Variants in KIRREL3 observed in about 807,000 individuals in gnomAD.
KIRREL3 encodes the protein kirre like nephrin family adhesion molecule 3.
In KIRREL3, 36 loss-of-function variants were observed where a neutral mutation model predicts 89.7. The ratio of observed to expected loss-of-function variants is 0.40; its 90% confidence interval spans 0.31 to 0.53. The LOEUF is 0.53. Ranked by LOEUF, KIRREL3 falls within the 20% of genes least tolerant of loss-of-function variation. KIRREL3 has a pLI of 0.49. For missense variants in KIRREL3, 864 were observed against 1,056.6 expected (o/e 0.82, Z 2.53); for synonymous variants, 445 against 441.4 (o/e 1.01, Z -0.10).
intron 1 of KIRREL3, among the ~76,000 whole-genome samples, chr11:126,838,376 T>G (rs1454684072): frequency 1.3e-5 from 2 of 152,240 alleles, no homozygotes; most frequent in African/African-American, 4.8e-5. Context: ...AGGGCCAGAC[T>G]GCACCTTCTA....
rs1028662708 is a variant in KIRREL3 at position 126,498,037 on chromosome 11, T to G, written c.433+23278A>C. The stretch of plus-strand genomic sequence containing the variant: ...TCAGTAAAAAGTGTCTTCTCCATTT[T>G]ATGGACAAGGAAGCAGAGGCTCAGA... On this transcript the variant is annotated intron_variant, in intron 4 of 16. Coordinates refer to ENST00000525144, the MANE Select transcript of KIRREL3 (RefSeq NM_032531.4). This position sits in a 1 kb window ranked among gnomAD's most constrained non-coding sequence, Gnocchi z 4.3. Among the ~76,000 whole-genome samples, 1 of 152,156 alleles carries G rather than the reference T, an allele frequency of 6.6e-6. No individual in the cohort carries two copies.
Position 126,918,100 on chromosome 11 carries a change from C to A in KIRREL3, c.55+82355G>T, listed in dbSNP as rs1592352162. Among the ~76,000 whole-genome samples the A allele has an allele frequency of 6.6e-6, 1 of 152,216 alleles. No homozygotes were observed. The highest frequency in any genetic ancestry group is 1.9e-4 in the East Asian group (1 of 5,182). On this transcript the variant is annotated intron_variant, in intron 1 of 16. Coordinates refer to ENST00000525144, the MANE Select transcript of KIRREL3 (RefSeq NM_032531.4). The surrounding 1 kb of genome is among the most constrained non-coding windows in gnomAD (Gnocchi z 6.5). ...GGCCCATAATGATATGCATGCCTCT[C>A]AGAGGGAAGACAGAGACTCACGGTA...
At chr11:126,854,126 T>TTGTGTGTGTGTGTG (rs375873911) in intron 1 of KIRREL3, among the ~76,000 whole-genome samples, 54 of 144,016 alleles carry the variant, frequency 3.7e-4, no homozygotes, top group African/African-American at 1.0e-3. Context: ...AATAAGTTTC[T>TTGTGTGTGTGTGTG]TGTGTGTGTG....
rs78467542 is a variant in KIRREL3 at position 126,495,923 on chromosome 11, C to T, written c.434-22457G>A. On this transcript the variant is annotated intron_variant, in intron 4 of 16. Coordinates refer to ENST00000525144, the MANE Select transcript of KIRREL3 (RefSeq NM_032531.4). This position sits in a 1 kb window ranked among gnomAD's most constrained non-coding sequence, Gnocchi z 6.5. The stretch of plus-strand genomic sequence containing the variant: ...TCTCTCGTATCCTAATTGCTGTGGG[C>T]TCCACCTTTGAAACATGCACAGATC... Among the ~76,000 whole-genome samples, 1,685 of 152,328 alleles carry T rather than the reference C, an allele frequency of 0.011. 29 individuals carry two copies. Among genetic ancestry groups the T allele is most frequent in the African/African-American group, 0.037 (1,557 of 41,570 alleles).
Position 126,609,835 on chromosome 11 carries a change from G to GT in KIRREL3, c.56-46924dup, listed in dbSNP as rs1157004579. Among the ~76,000 whole-genome samples, 3 of 152,248 alleles carry GT rather than the reference G, an allele frequency of 2.0e-5. No individual in the cohort carries two copies. The highest frequency in any genetic ancestry group is 2.1e-4 in the South Asian group (1 of 4,816). On this transcript the variant is annotated intron_variant, in intron 1 of 16. Transcript: ENST00000525144. The surrounding 1 kb of genome is among the most constrained non-coding windows in gnomAD (Gnocchi z 5.0). ...GCTCCAGCACATTCTTACTGTGTCA[G>GT]TTTTTTTCTGTTGATTATGAACAAC...
rs1000058005 is a variant in KIRREL3, at chr11:126,797,650, G to T, written c.55+202805C>A. ...GGGCTTCTGATGGGGCCCTGGCAGC[G>T]GGAGTCTCAGCATCCAAGCACAATC... On this transcript the variant is annotated intron_variant, in intron 1 of 16. Coordinates refer to ENST00000525144, the MANE Select transcript of KIRREL3 (RefSeq NM_032531.4). This position sits in a 1 kb window ranked among gnomAD's most constrained non-coding sequence, Gnocchi z 4.9. 6.6e-6 allele frequency among the ~76,000 whole-genome samples: 1 copy of T among 152,084 alleles called. No individual in the cohort carries two copies. The highest frequency in any genetic ancestry group is 1.9e-4 in the East Asian group (1 of 5,194).
chr11:126,959,942 C>A (rs573117360), intron 1 of KIRREL3, among the ~76,000 whole-genome samples: 3 of 152,166 alleles, frequency 2.0e-5, no homozygotes, highest in African/African-American at 7.2e-5. Flanking sequence ...AGCCTTTCTA[C>A]GCTGGATTCT....
Position 126,522,199 on chromosome 11 carries a change from G to A in KIRREL3, c.284-735C>T, listed in dbSNP as rs530530925. On this transcript the variant is annotated intron_variant, in intron 3 of 16. Transcript: ENST00000525144. The surrounding 1 kb of genome is among the most constrained non-coding windows in gnomAD (Gnocchi z 6.0). ...GCTCAGCACTGTGGTCTACCAAGCA[G>A]ACATGCATTTTGATAAGATAGAGAG... 6.6e-6 allele frequency among the ~76,000 whole-genome samples: 1 copy of A among 152,254 alleles called. No homozygotes were observed. The highest frequency in any genetic ancestry group is 2.4e-5 in the African/African-American group (1 of 41,536).
Position 126,796,010 on chromosome 11 carries a change from C to G in KIRREL3, c.55+204445G>C, listed in dbSNP as rs907022305. On this transcript the variant is annotated intron_variant, in intron 1 of 16. Coordinates refer to ENST00000525144, the MANE Select transcript of KIRREL3 (RefSeq NM_032531.4). The surrounding 1 kb of genome is among the most constrained non-coding windows in gnomAD (Gnocchi z 5.1). ...TCTGCTTATGTTGCCATTCATACAG[C>G]CAGTAATAAGCCACTCCACTGTCAT... Among the ~76,000 whole-genome samples, 3 of 152,202 alleles carry G rather than the reference C, an allele frequency of 2.0e-5. No homozygotes were observed. The highest frequency in any genetic ancestry group is 2.9e-5 in the Non-Finnish European group (2 of 68,012).
chr11:126,967,660 G>A (rs685549), intron 1 of KIRREL3, among the ~76,000 whole-genome samples: 139,338 of 152,092 alleles, frequency 0.92, 63,999 homozygotes, highest in African/African-American at 0.98. Flanking sequence ...GTTCACTCAA[G>A]CCCAAGCCTT....
In KIRREL3 at chr11:126,431,213, A is replaced by G. The variant is rs557827485; in HGVS notation, c.1696+206T>C. Reference sequence around the variant, plus strand: ...ATGAAGTTCAGTCTAGTCCAGGTCAACCTCAGCCTAGCGCCCACTCTGCCA... The same window carrying G: ...ATGAAGTTCAGTCTAGTCCAGGTCAGCCTCAGCCTAGCGCCCACTCTGCCA... On this transcript the variant is annotated intron_variant, in intron 14 of 16. Transcript: ENST00000525144. This position sits in a 1 kb window ranked among gnomAD's most constrained non-coding sequence, Gnocchi z 7.1. The G allele has an allele frequency of 6.3e-5, 94 of 1,497,354 alleles. No individual in the cohort carries two copies. Among genetic ancestry groups the G allele is most frequent in the Admixed American group, 1.5e-4 (7 of 48,158 alleles). 92.8% of individuals were successfully genotyped at this position (1,497,354 alleles called of 1,614,324 possible).
At chr11:126,966,584 G>A (rs868553776) in intron 1 of KIRREL3, among the ~76,000 whole-genome samples, 5 of 152,128 alleles carry the variant, frequency 3.3e-5, no homozygotes, top group Middle Eastern at 3.2e-3. Flanking sequence ...TGTGCCTGAC[G>A]TGTTAGTTCT....
chr11:126,466,101 A>G lies in KIRREL3; in HGVS notation c.592-2794T>C, dbSNP rs117213516. 7.1e-3 allele frequency among the ~76,000 whole-genome samples: 1,077 copies of G among 152,198 alleles called. 4 individuals are homozygous for G. The highest frequency in any genetic ancestry group is 0.012 in the Admixed American group (176 of 15,294). On this transcript the variant is annotated intron_variant, in intron 5 of 16. Transcript: ENST00000525144. ...AGGGGAGGGAGGGGACCCAGCTCTAATTAGGCCCTCTGACTGCTCCCCCTC... is the reference window on the plus strand; with the variant it reads ...AGGGGAGGGAGGGGACCCAGCTCTAGTTAGGCCCTCTGACTGCTCCCCCTC...
intron 2 of KIRREL3, among the ~76,000 whole-genome samples, chr11:126,545,508 C>T (rs55760916): frequency 2.1e-3 from 317 of 152,100 alleles, no homozygotes; most frequent in African/African-American, 7.1e-3. Context: ...CGGTGGCCCA[C>T]GCCTGTAATC....
Position 126,668,841 on chromosome 11 carries a change from C to G in KIRREL3, c.56-105929G>C, listed in dbSNP as rs532029732. 1.6e-3 allele frequency among the ~76,000 whole-genome samples: 238 copies of G among 151,760 alleles called. 2 individuals are homozygous for G. The highest frequency in any genetic ancestry group is 2.8e-3 in the Non-Finnish European group (189 of 67,972). Reference sequence around the variant, plus strand: ...ATAATGTTTGGCTCCATTTTAAACCCCTGGCTCTGAGTGTGCTGCTAAGAA... The same window carrying G: ...ATAATGTTTGGCTCCATTTTAAACCGCTGGCTCTGAGTGTGCTGCTAAGAA... On this transcript the variant is annotated intron_variant, in intron 1 of 16. Transcript: ENST00000525144. The surrounding 1 kb of genome is among the most constrained non-coding windows in gnomAD (Gnocchi z 4.4).
rs1183083063 is a variant in KIRREL3, at chr11:126,557,516, T to C, written c.133+5319A>G. Among the ~76,000 whole-genome samples, 2 of 152,202 alleles carry C rather than the reference T, an allele frequency of 1.3e-5. No individual in the cohort carries two copies. The highest frequency in any genetic ancestry group is 4.8e-5 in the African/African-American group (2 of 41,446). On this transcript the variant is annotated intron_variant, in intron 2 of 16. Coordinates refer to ENST00000525144, the MANE Select transcript of KIRREL3 (RefSeq NM_032531.4). The surrounding 1 kb of genome is among the most constrained non-coding windows in gnomAD (Gnocchi z 5.6). ...GCACATGAGAAGGTTGAGATCTTAG[T>C]GTCTAGGGACTTGCCCAAGCTCACA...
intron 1 of KIRREL3, among the ~76,000 whole-genome samples, chr11:126,975,758 C>T (rs902476250): frequency 6.6e-6 from 1 of 152,154 alleles, no homozygotes; most frequent in Non-Finnish European, 1.5e-5. Context: ...TAAAAAAGCA[C>T]CCCAGTTGAT....
Position 126,843,012 on chromosome 11 carries a change from C to A in KIRREL3, c.55+157443G>T, listed in dbSNP as rs1944017263. Among the ~76,000 whole-genome samples, 1 of 151,572 alleles carries A rather than the reference C, an allele frequency of 6.6e-6. No homozygotes were observed. Among genetic ancestry groups the A allele is most frequent in the Admixed American group, 6.6e-5 (1 of 15,212 alleles). ...TGGTGCTGTGAGGAACTTGTGAGTT[C>A]TGAGTTCATCTGATCCCTGGACTCC... On this transcript the variant is annotated intron_variant, in intron 1 of 16. Coordinates refer to ENST00000525144, the MANE Select transcript of KIRREL3 (RefSeq NM_032531.4). This position sits in a 1 kb window ranked among gnomAD's most constrained non-coding sequence, Gnocchi z 4.6.
At chr11:126,592,294 G>A (rs984578627) in intron 1 of KIRREL3, among the ~76,000 whole-genome samples, 3 of 152,140 alleles carry the variant, frequency 2.0e-5, no homozygotes, top group Non-Finnish European at 4.4e-5. Context: ...GAAATACTAT[G>A]TCTTAATCCC....
Sources: allele counts gnomAD v4.1 joint callset (sites outside exome capture counted in the v4.1 genomes callset), GRCh38; gene constraint gnomAD v4.1.1; non-coding constraint Gnocchi (gnomAD v3.1); transcripts MANE v1.5; gene names NCBI Gene and HGNC (gene_info 2026-07-23, HGNC 2026-07-21).